The following PPFIA2 variants were observed in gnomAD, a reference collection of about 807,000 sequenced individuals.
The protein encoded by PPFIA2 is PPFI scaffold protein A2.
In PPFIA2, 46 loss-of-function variants were observed where a neutral mutation model predicts 175.5. The ratio of observed to expected loss-of-function variants is 0.26; its 90% confidence interval spans 0.21 to 0.34. The LOEUF (loss-of-function observed/expected upper bound fraction) is 0.34, where lower values mean the gene tolerates loss of function less well. PPFIA2 is among the 10% of genes least tolerant of loss of function. The probability of loss-of-function intolerance (pLI) is 1.00; values close to 1 mark genes in which losing one functional copy is unlikely to be tolerated. For synonymous variants in PPFIA2, 568 were observed against 511.4 expected (o/e 1.11, Z -1.49); for missense variants, 1,179 against 1,506.1 (o/e 0.78, Z 3.60).
intron 8 of PPFIA2, among the ~76,000 whole-genome samples, chr12:81,398,318 CT>C (rs1566648212): frequency 6.6e-6 from 1 of 152,016 alleles, no homozygotes; most frequent in Admixed American, 6.6e-5. Flanking sequence ...TTTGACTAGG[CT>C]TTTTTGAAAT....
At chr12:81,722,799 T>C (rs1222448152) in intron 3 of PPFIA2, among the ~76,000 whole-genome samples, 9 of 151,030 alleles carry the variant, frequency 6.0e-5, no homozygotes, top group Non-Finnish European at 3.0e-5. Context: ...ACTCCTCTTC[T>C]GAAAAAAAAC....
intron 4 of PPFIA2, among the ~76,000 whole-genome samples, chr12:81,550,926 C>G (rs2067815111): frequency 6.6e-6 from 1 of 151,772 alleles, no homozygotes; most frequent in South Asian, 2.1e-4. Context: ...TCTTAGAATC[C>G]TAATGAAAGA....
At position 81,263,273 on chromosome 12, in the gene PPFIA2, A is replaced by T; in HGVS notation, c.3673T>A (p.Leu1225Ile). Residue 1225 changes from leucine to isoleucine, a missense_variant, in exon 31 of 33, where the codon TTA becomes ATA. Coordinates refer to ENST00000549396, the MANE Select transcript of PPFIA2 (RefSeq NM_003625.5). ...CTTGACTGCCCAGAGGTTGTGGTTAACCTAAATCCAGCTGGTAATGTTTCT... is the reference window on the plus strand; with the variant it reads ...CTTGACTGCCCAGAGGTTGTGGTTATCCTAAATCCAGCTGGTAATGTTTCT... The part of the protein sequence containing the change: ...SSETLPAGFR[L>I]TTTSGQSRKM... 1 of 1,612,062 alleles carries T rather than the reference A, an allele frequency of 6.2e-7. No homozygotes were observed. The highest frequency in any genetic ancestry group is 1.3e-5 in the African/African-American group (1 of 75,020).
At chr12:81,274,257 TA>T in intron 28 of PPFIA2, among the ~76,000 whole-genome samples, 1 of 152,254 alleles carries the variant, frequency 6.6e-6, no homozygotes, top group Middle Eastern at 3.4e-3. Context: ...CTCTCAATAA[TA>T]AAAAATAAAT....
intron 22 of PPFIA2, among the ~76,000 whole-genome samples, chr12:81,305,481 TA>T (rs1457457073): frequency 6.6e-6 from 1 of 152,178 alleles, no homozygotes; most frequent in African/African-American, 2.4e-5. Flanking sequence ...GATCTGCCCC[TA>T]AATTGCATTT....
At chr12:81,421,894 T>C (rs1025069936) in intron 7 of PPFIA2, among the ~76,000 whole-genome samples, 19 of 151,800 alleles carry the variant, frequency 1.3e-4, no homozygotes, top group African/African-American at 4.1e-4. Context: ...AAAAGAAAGC[T>C]AGGGGTAGTT....
At chr12:81,565,145 G>A (rs575178771) in intron 4 of PPFIA2, among the ~76,000 whole-genome samples, 9 of 152,214 alleles carry the variant, frequency 5.9e-5, no homozygotes, top group African/African-American at 2.2e-4. Flanking sequence ...TCCCCTCCCC[G>A]ATCCATGCTG....
At chr12:81,680,587 G>A (rs547696067) in intron 3 of PPFIA2, among the ~76,000 whole-genome samples, 1 of 151,998 alleles carries the variant, frequency 6.6e-6, no homozygotes, top group South Asian at 2.1e-4. Flanking sequence ...CCCAGAACAT[G>A]ACAAAGGAGG....
At chr12:81,513,826 T>C (rs1307867567) in intron 4 of PPFIA2, among the ~76,000 whole-genome samples, 1 of 151,990 alleles carries the variant, frequency 6.6e-6, no homozygotes. Context: ...TTCTCTATAT[T>C]TTCCATTAGC....
chr12:81,721,736 A>ACAGAGCACTGATAT (rs1225518379), intron 3 of PPFIA2, among the ~76,000 whole-genome samples: 1 of 151,214 alleles, frequency 6.6e-6, no homozygotes, highest in Non-Finnish European at 1.5e-5. Context: ...TAATTTCATG[A>ACAGAGCACTGATAT]CAGAGCACTG....
intron 3 of PPFIA2, among the ~76,000 whole-genome samples, chr12:81,707,945 T>A (rs1172669609): frequency 6.7e-6 from 1 of 148,258 alleles, no homozygotes; most frequent in Non-Finnish European, 1.5e-5. Flanking sequence ...CATCACATAT[T>A]CTCACTCATA....
chr12:81,590,610 G>C (rs1183375399), intron 4 of PPFIA2, among the ~76,000 whole-genome samples: 1 of 151,910 alleles, frequency 6.6e-6, no homozygotes, highest in Non-Finnish European at 1.5e-5. Flanking sequence ...AACCCGGTGG[G>C]AGGTGATTGA....
At chr12:81,469,254 A>T (rs531167066) in intron 4 of PPFIA2, among the ~76,000 whole-genome samples, 3 of 152,258 alleles carry the variant, frequency 2.0e-5, no homozygotes, top group African/African-American at 7.2e-5. Context: ...TTAAAAACTG[A>T]CACTTTGATT....
At chr12:81,706,570 G>T (rs954235410) in intron 3 of PPFIA2, among the ~76,000 whole-genome samples, 8 of 152,260 alleles carry the variant, frequency 5.3e-5, no homozygotes, top group Admixed American at 1.3e-4. Context: ...AAGCTAAAGA[G>T]AAAAGTCTAA....
At chr12:81,354,712 C>T (rs886663483) in intron 16 of PPFIA2, among the ~76,000 whole-genome samples, 7 of 151,774 alleles carry the variant, frequency 4.6e-5, no homozygotes, top group African/African-American at 1.5e-4. Flanking sequence ...GGCTTGATCT[C>T]GGCTCACTGC....
intron 4 of PPFIA2, among the ~76,000 whole-genome samples, chr12:81,558,439 A>G (rs760379622): frequency 1.3e-5 from 2 of 152,204 alleles, no homozygotes; most frequent in Non-Finnish European, 2.9e-5. Context: ...GCTGACAATA[A>G]TTAGAAAATT....
At chr12:81,519,897 C>T (rs543420861) in intron 4 of PPFIA2, among the ~76,000 whole-genome samples, 21 of 152,228 alleles carry the variant, frequency 1.4e-4, no homozygotes, top group Admixed American at 1.3e-3. Flanking sequence ...TATATATGTA[C>T]ATGTAATAAA....
intron 5 of PPFIA2, among the ~76,000 whole-genome samples, chr12:81,453,982 T>A (rs1352260316): frequency 6.6e-6 from 1 of 151,912 alleles, no homozygotes; most frequent in East Asian, 1.9e-4. Context: ...CTTTGGGAGG[T>A]GAAGACGGGC....
At chr12:81,623,805 CA>C (rs531212353) in intron 4 of PPFIA2, among the ~76,000 whole-genome samples, 2 of 151,686 alleles carry the variant, frequency 1.3e-5, no homozygotes, top group Admixed American at 6.6e-5. Context: ...ATACTGGGGT[CA>C]AAAAGGGCAA....
Sources: allele counts gnomAD v4.1 joint callset (sites outside exome capture counted in the v4.1 genomes callset), GRCh38; gene constraint gnomAD v4.1.1; transcripts MANE v1.5; gene names NCBI Gene and HGNC (gene_info 2026-07-23, HGNC 2026-07-21).